Variants in CACNA2D3 observed in about 807,000 individuals in gnomAD.
The protein encoded by CACNA2D3 is voltage-dependent calcium channel subunit alpha-2/delta-3.
CACNA2D3 carries 60 observed loss-of-function variants against 160.6 expected under a neutral mutation model. That is an observed-to-expected ratio of 0.37 (90% CI 0.30 to 0.46). CACNA2D3 has a LOEUF of 0.46. CACNA2D3 is among the 20% of genes least tolerant of loss of function. The pLI, the probability that CACNA2D3 is intolerant of heterozygous loss-of-function variation, is 1.00. For synonymous variants in CACNA2D3, 558 were observed against 492.9 expected (o/e 1.13, Z -1.75); for missense variants, 1,205 against 1,365.0 (o/e 0.88, Z 1.85).
intron 2 of CACNA2D3, among the ~76,000 whole-genome samples, chr3:54,306,963 G>T (rs569626824): frequency 4.6e-5 from 7 of 152,098 alleles, no homozygotes; most frequent in Non-Finnish European, 1.0e-4. Context: ...GGTAGCTGCC[G>T]CATGCCCCCC....
intron 27 of CACNA2D3, among the ~76,000 whole-genome samples, chr3:54,911,351 C>CCCCTTTTTTTT (rs764342587): frequency 1.7e-5 from 1 of 58,586 alleles, no homozygotes; most frequent in Non-Finnish European, 2.7e-5. Flanking sequence ...TCTTTGTCGT[C>CCCCTTTTTTTT]TTTTTTTTTT....
intron 13 of CACNA2D3, among the ~76,000 whole-genome samples, chr3:54,803,859 G>T (rs1053113848): frequency 6.6e-6 from 1 of 152,068 alleles, no homozygotes. Context: ...CGGATCTCTC[G>T]GCAGAAACTC....
intron 14 of CACNA2D3, among the ~76,000 whole-genome samples, chr3:54,836,456 A>C (rs1469231517): frequency 1.3e-5 from 2 of 151,904 alleles, no homozygotes; most frequent in Non-Finnish European, 2.9e-5. Context: ...GGATGGTCTC[A>C]GTCTCCTGAC....
At chr3:54,237,093 G>A (rs1368174203) in intron 2 of CACNA2D3, among the ~76,000 whole-genome samples, 2 of 151,858 alleles carry the variant, frequency 1.3e-5, no homozygotes, top group African/African-American at 2.4e-5. Context: ...GATGCCAGTG[G>A]CTACCTTGGT....
intron 35 of CACNA2D3, among the ~76,000 whole-genome samples, chr3:55,071,364 A>T (rs1420344504): frequency 6.6e-6 from 1 of 152,150 alleles, no homozygotes; most frequent in Non-Finnish European, 1.5e-5. Flanking sequence ...TTATACTGGC[A>T]GTCATGTGTC....
intron 14 of CACNA2D3, 49 bp downstream of exon 14, chr3:54,816,919 A>C (rs747855406): frequency 6.3e-7 from 1 of 1,598,334 alleles, no homozygotes; most frequent in South Asian, 1.1e-5. Flanking sequence ...CTCACGAGTC[A>C]TGCATGCCTC....
intron 35 of CACNA2D3, among the ~76,000 whole-genome samples, chr3:55,018,866 T>C (rs1703385830): frequency 1.3e-5 from 2 of 152,022 alleles, no homozygotes; most frequent in Non-Finnish European, 2.9e-5. Context: ...GTGTTCTTTC[T>C]CTTTCGGATA....
At chr3:54,902,195 A>G (rs1174264651) in intron 27 of CACNA2D3, among the ~76,000 whole-genome samples, 2 of 152,208 alleles carry the variant, frequency 1.3e-5, no homozygotes, top group Non-Finnish European at 2.9e-5. Context: ...GCAAATAATT[A>G]TCAAGGACTC....
intron 8 of CACNA2D3, among the ~76,000 whole-genome samples, chr3:54,571,709 G>A (rs1038332546): frequency 6.6e-6 from 1 of 151,484 alleles, no homozygotes; most frequent in African/African-American, 2.4e-5. Flanking sequence ...CATCTATTTG[G>A]GAGGTGGAGT....
At chr3:54,862,541 T>C (rs1699314957) in intron 17 of CACNA2D3, among the ~76,000 whole-genome samples, 1 of 152,192 alleles carries the variant, frequency 6.6e-6, no homozygotes, top group Non-Finnish European at 1.5e-5. Flanking sequence ...ATCCCTTTAT[T>C]AACTTCACTT....
At chr3:55,054,749 A>G (rs1039567547) in intron 35 of CACNA2D3, among the ~76,000 whole-genome samples, 2 of 151,906 alleles carry the variant, frequency 1.3e-5, no homozygotes, top group African/African-American at 2.4e-5. Context: ...CTTCACATGC[A>G]TAGTCAGTTT....
intron 11 of CACNA2D3, among the ~76,000 whole-genome samples, chr3:54,692,482 C>T (rs1700588619): frequency 6.6e-6 from 1 of 152,198 alleles, no homozygotes; most frequent in African/African-American, 2.4e-5. Flanking sequence ...GACTCAGGGC[C>T]TGGGTGCCCA....
At chr3:54,413,463 C>A (rs1403894370) in intron 4 of CACNA2D3, among the ~76,000 whole-genome samples, 1 of 147,352 alleles carries the variant, frequency 6.8e-6, no homozygotes, top group Non-Finnish European at 1.5e-5. Context: ...TTGGAGTTTG[C>A]TGACATTTTA....
intron 27 of CACNA2D3, among the ~76,000 whole-genome samples, chr3:54,950,612 T>A (rs1209848395): frequency 6.6e-6 from 1 of 151,866 alleles, no homozygotes; most frequent in Non-Finnish European, 1.5e-5. Flanking sequence ...AACAGGAGAG[T>A]GGACCTGCAC....
At chr3:54,442,361 C>T (rs1394357663) in intron 4 of CACNA2D3, among the ~76,000 whole-genome samples, 1 of 152,110 alleles carries the variant, frequency 6.6e-6, no homozygotes, top group Non-Finnish European at 1.5e-5. Flanking sequence ...ACTCCTTCTC[C>T]CTTCCTTTGG....
At chr3:54,774,928 C>T (rs1702398155) in intron 13 of CACNA2D3, among the ~76,000 whole-genome samples, 1 of 152,102 alleles carries the variant, frequency 6.6e-6, no homozygotes, top group African/African-American at 2.4e-5. Context: ...GCCACCACGC[C>T]CGGCCACTGT....
chr3:54,548,418 T>C (rs1702099595), intron 5 of CACNA2D3, among the ~76,000 whole-genome samples: 1 of 152,172 alleles, frequency 6.6e-6, no homozygotes, highest in Admixed American at 6.5e-5. Flanking sequence ...GAGGAGCCTT[T>C]TTCCACCCAT....
At chr3:54,587,572 A>C (rs561225523) in intron 9 of CACNA2D3, among the ~76,000 whole-genome samples, 2 of 152,270 alleles carry the variant, frequency 1.3e-5, no homozygotes, top group South Asian at 4.2e-4. Flanking sequence ...ACAAGTTAAA[A>C]AAATTTAAAA....
chr3:54,701,634 T>C (rs951809542), intron 11 of CACNA2D3, among the ~76,000 whole-genome samples: 2 of 152,180 alleles, frequency 1.3e-5, no homozygotes, highest in Non-Finnish European at 2.9e-5. Context: ...TGCTCATGGA[T>C]GGGAAGAATC....
Sources: gnomAD v4.1 joint callset for allele counts (sites outside exome capture counted in the v4.1 genomes callset) on GRCh38, gnomAD v4.1.1 for gene constraint, MANE v1.5 for transcripts, NCBI Gene and HGNC (gene_info 2026-07-23, HGNC 2026-07-21) for gene names.